Variants in CFAP69 observed in about 807,000 individuals in gnomAD.
The protein encoded by CFAP69 is cilia- and flagella-associated protein 69.
CFAP69 carries 92 observed loss-of-function variants against 123.0 expected under a neutral mutation model. That is an observed-to-expected ratio of 0.75 (90% confidence interval 0.63 to 0.89). The LOEUF (loss-of-function observed/expected upper bound fraction) is 0.89, where lower values mean the gene tolerates loss of function less well. CFAP69 is among the 40% of genes least tolerant of loss of function. The pLI, the probability that CFAP69 is intolerant of heterozygous loss-of-function variation, is 0.00. For synonymous variants in CFAP69, 380 were observed against 364.3 expected, an observed-to-expected ratio of 1.04 and a Z score of -0.49; for missense variants, 1,067 against 1,096.9, an observed-to-expected ratio of 0.97 and a Z score of 0.39.
the CFAP69 span, chr7:90,319,717 A>G: frequency 2.5e-6 from 1 of 398,604 alleles, no homozygotes; most frequent in Admixed American, 4.4e-5. Context: ...GCCCAAATGT[A>G]GATAGAACCA....
chr7:90,279,409 A>T (rs1469885336), intron 11 of CFAP69, among the ~76,000 whole-genome samples: 2 of 152,200 alleles, frequency 1.3e-5, no homozygotes, highest in Non-Finnish European at 2.9e-5. Flanking sequence ...ATAAGCAGGA[A>T]CTACATTACA....
chr7:90,321,566 A>G, the CFAP69 span, among the ~76,000 whole-genome samples: 2 of 152,044 alleles, frequency 1.3e-5, no homozygotes, highest in Admixed American at 6.5e-5. Context: ...AGCTGAGAAG[A>G]TCCATCTCGG....
intron 1 of CFAP69, among the ~76,000 whole-genome samples, chr7:90,254,856 G>C (rs549862612): frequency 2.0e-5 from 3 of 152,196 alleles, no homozygotes; most frequent in African/African-American, 7.2e-5. Flanking sequence ...TGGAGTCGAC[G>C]AGAACAGCAG....
chr7:90,261,912 A>G (rs1441692756), intron 3 of CFAP69, 35 bp from the exon 4 acceptor site: 1 of 1,123,282 alleles, frequency 8.9e-7, no homozygotes, highest in Non-Finnish European at 1.3e-6. Context: ...AAAGATATTA[A>G]TCTGAATTTT....
At chr7:90,248,975 G>A (rs1796645465) in intron 1 of CFAP69, among the ~76,000 whole-genome samples, 1 of 152,152 alleles carries the variant, frequency 6.6e-6, no homozygotes. Flanking sequence ...CATTCCAAGT[G>A]CCCCATAAAT....
intron 16 of CFAP69, among the ~76,000 whole-genome samples, chr7:90,299,536 A>G (rs1181830112): frequency 6.6e-6 from 1 of 152,188 alleles, no homozygotes; most frequent in Admixed American, 6.5e-5. Context: ...AACTCTGTAT[A>G]ACACTATCGA....
chr7:90,267,787 C>G (rs1799358233), intron 5 of CFAP69, among the ~76,000 whole-genome samples: 1 of 152,136 alleles, frequency 6.6e-6, no homozygotes, highest in Admixed American at 6.6e-5. Flanking sequence ...AATGCTAACC[C>G]ATATCTTGTC....
intron 22 of CFAP69, among the ~76,000 whole-genome samples, chr7:90,309,582 A>T (rs1794082880): frequency 1.3e-5 from 2 of 151,996 alleles, no homozygotes; most frequent in Non-Finnish European, 2.9e-5. Context: ...AGGCCCCCAA[A>T]ATATTATGTC....
At chr7:90,304,858 G>A in intron 19 of CFAP69, 38 bp downstream of exon 19, 1 of 1,237,466 alleles carries the variant, frequency 8.1e-7, no homozygotes, top group South Asian at 1.3e-5. Flanking sequence ...TTAAAATCTA[G>A]ATAGCAAAAA....
chr7:90,279,564 G>A, intron 11 of CFAP69, 113 bp from the exon 12 acceptor site: 2 of 595,124 alleles, frequency 3.4e-6, no homozygotes, highest in South Asian at 2.9e-5. Flanking sequence ...TTTTATAAAG[G>A]AATTATTTTG....
At chr7:90,307,523 C>G (rs1793777136) in intron 20 of CFAP69, among the ~76,000 whole-genome samples, 1 of 152,006 alleles carries the variant, frequency 6.6e-6, no homozygotes, top group Non-Finnish European at 1.5e-5. Flanking sequence ...GTGGTTTTCT[C>G]TTAGAGTTAT....
chr7:90,272,430 T>C (rs1800088931), intron 8 of CFAP69, among the ~76,000 whole-genome samples: 1 of 152,120 alleles, frequency 6.6e-6, no homozygotes, highest in Non-Finnish European at 1.5e-5. Flanking sequence ...TCTGCTTTCG[T>C]GGAATTTACA....
intron 1 of CFAP69, among the ~76,000 whole-genome samples, chr7:90,246,447 C>T (rs371668626): frequency 6.6e-6 from 1 of 152,214 alleles, no homozygotes; most frequent in Non-Finnish European, 1.5e-5. Context: ...CTGTCTCTTG[C>T]GTTCACATCC....
intron 13 of CFAP69, among the ~76,000 whole-genome samples, chr7:90,285,075 T>C (rs1790070113): frequency 6.6e-6 from 1 of 152,108 alleles, no homozygotes; most frequent in African/African-American, 2.4e-5. Context: ...GCAGGGAAAG[T>C]TTCTGCCTGC....
rs146098020 is a variant in CFAP69 at position 90,308,236 on chromosome 7, C to G, written c.2550+382C>G. On this transcript the variant is annotated intron_variant, in intron 21 of 22. Coordinates refer to ENST00000389297, the MANE Select transcript of CFAP69 (RefSeq NM_001039706.3). ...GCAACTATCTTGTATTACTCTGTCC[C>G]CCAAGAGCTTTTCCCTCTGTGATCA... Among the ~76,000 whole-genome samples the G allele has an allele frequency of 9.0e-4, 137 of 152,150 alleles. 1 individual carries two copies. The highest frequency in any genetic ancestry group is 3.2e-3 in the African/African-American group (134 of 41,484).
intron 13 of CFAP69, among the ~76,000 whole-genome samples, chr7:90,283,446 A>G (rs1365986565): frequency 6.6e-6 from 1 of 152,170 alleles, no homozygotes; most frequent in African/African-American, 2.4e-5. Flanking sequence ...GTACATTGGT[A>G]TTTACAGAAA....
In CFAP69 at chr7:90,245,415, G is replaced by A; in HGVS notation, c.-10G>A. The A allele has an allele frequency of 6.5e-7, 1 of 1,539,666 alleles. No homozygotes were observed. Among genetic ancestry groups the A allele is most frequent in the Non-Finnish European group, 8.7e-7 (1 of 1,144,766 alleles). On this transcript the variant is annotated 5_prime_UTR_variant, in exon 1 of 23. Coordinates refer to ENST00000389297, the MANE Select transcript of CFAP69 (RefSeq NM_001039706.3). Reference sequence around the variant, plus strand: ...AGATCCCCCCACTCTCCACCCCGCCGCCACCGGCCATGTGGACAGAGGAAG... The same window carrying A: ...AGATCCCCCCACTCTCCACCCCGCCACCACCGGCCATGTGGACAGAGGAAG...
intron 13 of CFAP69, among the ~76,000 whole-genome samples, chr7:90,284,316 A>G (rs1304803785): frequency 6.6e-6 from 1 of 152,178 alleles, no homozygotes; most frequent in Non-Finnish European, 1.5e-5. Flanking sequence ...ATGTTTATAC[A>G]CTTCCTGGGT....
chr7:90,261,316 A>G (rs926976873), intron 3 of CFAP69, among the ~76,000 whole-genome samples: 5 of 152,072 alleles, frequency 3.3e-5, no homozygotes, highest in Non-Finnish European at 5.9e-5. Context: ...CTCGTGATCC[A>G]CCTGCCTCGG....
Sources: allele counts gnomAD v4.1 joint callset (sites outside exome capture counted in the v4.1 genomes callset), GRCh38; gene constraint gnomAD v4.1.1; transcripts MANE v1.5; gene names NCBI Gene and HGNC (gene_info 2026-07-23, HGNC 2026-07-21).